Variants in SND1 observed in about 807,000 individuals in gnomAD.
SND1 encodes staphylococcal nuclease domain-containing protein 1.
A neutral mutation model predicts 121.7 loss-of-function variants in SND1; 38 were observed. That is an observed-to-expected ratio of 0.31 (90% confidence interval 0.24 to 0.41). The LOEUF (loss-of-function observed/expected upper bound fraction) is 0.41. Ranked by LOEUF, SND1 falls within the 10% of genes least tolerant of loss-of-function variation. The pLI, the probability that SND1 is intolerant of heterozygous loss-of-function variation, is 1.00. For synonymous variants in SND1, 401 were observed against 447.4 expected, an observed-to-expected ratio of 0.90 and a Z score of 1.31; for missense variants, 868 against 1,184.6, an observed-to-expected ratio of 0.73 and a Z score of 3.92.
At chr7:127,715,163 TG>T (rs1184913105) in intron 9 of SND1, among the ~76,000 whole-genome samples, 4 of 18,124 alleles carry the variant, frequency 2.2e-4, no homozygotes, top group Non-Finnish European at 8.5e-4. Flanking sequence ...TTTTTGGTTT[TG>T]TTTTTTTTTT....
Position 127,705,364 on chromosome 7 carries a change from C to G in SND1, c.947+419C>G, listed in dbSNP as rs145719703. ...AAAGACAGAGCCTGTAGGTTTTAAA[C>G]CAGGACCATTCAATATTGTTGTGAG... On this transcript the variant is annotated intron_variant, in intron 8 of 23. Transcript: ENST00000354725. Among the ~76,000 whole-genome samples, 89 of 152,292 alleles carry G rather than the reference C, an allele frequency of 5.8e-4. 1 individual carries two copies. The highest frequency in any genetic ancestry group is 1.9e-3 in the African/African-American group (78 of 41,564).
At chr7:127,930,194 C>T (rs570936440) in intron 15 of SND1, among the ~76,000 whole-genome samples, 59 of 152,128 alleles carry the variant, frequency 3.9e-4, no homozygotes, top group Non-Finnish European at 5.3e-4. Context: ...AGACATATCC[C>T]GCCGTGGTCC....
chr7:127,744,632 G>GT (rs1447648317), intron 10 of SND1, among the ~76,000 whole-genome samples: 1 of 152,156 alleles, frequency 6.6e-6, no homozygotes. Context: ...AATCACCTAT[G>GT]TATGATCATA....
chr7:128,082,575 G>A (rs1793623760), intron 18 of SND1, among the ~76,000 whole-genome samples: 1 of 152,222 alleles, frequency 6.6e-6, no homozygotes, highest in South Asian at 2.1e-4. Flanking sequence ...GAGCCCACGA[G>A]CCTGCGGGAT....
intron 15 of SND1, among the ~76,000 whole-genome samples, chr7:127,982,444 C>T (rs1802287050): frequency 6.6e-6 from 1 of 152,182 alleles, no homozygotes; most frequent in South Asian, 2.1e-4. Context: ...AATTAGGATC[C>T]CTTCATTCTT....
chr7:127,969,492 G>A (rs968182866), intron 15 of SND1, among the ~76,000 whole-genome samples: 6 of 152,160 alleles, frequency 3.9e-5, no homozygotes, highest in African/African-American at 1.2e-4. Context: ...TTGGGAGGCC[G>A]AGGCGGGCAG....
chr7:128,011,119 C>A (rs1484288457), intron 16 of SND1, among the ~76,000 whole-genome samples: 1 of 151,978 alleles, frequency 6.6e-6, no homozygotes, highest in African/African-American at 2.4e-5. Context: ...CCCCCAAACA[C>A]ACACACCACA....
intron 12 of SND1, among the ~76,000 whole-genome samples, chr7:127,869,315 G>A (rs958361085): frequency 6.6e-6 from 1 of 152,166 alleles, no homozygotes; most frequent in African/African-American, 2.4e-5. Context: ...GGGAGATGGG[G>A]TTAGCGAAGG....
chr7:127,994,549 C>CAAAAAAAAAA lies in SND1; in HGVS notation c.1779+3520_1779+3529dup, dbSNP rs563548702. On this transcript the variant is annotated intron_variant, in intron 16 of 23. Coordinates refer to ENST00000354725, the MANE Select transcript of SND1 (RefSeq NM_014390.4). ...CTCTCAAATGACGATCACTTTTACTCAAAAAAAAAAAAAAAAAAAAAAAAA... is the reference window on the plus strand; with the variant it reads ...CTCTCAAATGACGATCACTTTTACTCAAAAAAAAAAAAAAAAAAAAAAAAAAAAAAAAAAA... Among the ~76,000 whole-genome samples the CAAAAAAAAAA allele has an allele frequency of 2.6e-4, 12 of 46,238 alleles. 3 individuals are homozygous for CAAAAAAAAAA. Among genetic ancestry groups the CAAAAAAAAAA allele is most frequent in the Non-Finnish European group, 4.1e-4 (11 of 26,586 alleles). The allele number at this position is 46,238 out of a possible 152,430, so 30.3% of individuals were successfully genotyped here. A position where few individuals can be genotyped will look rare whatever the true frequency, so the allele number is the denominator to read the frequency against.
At position 128,015,837 on chromosome 7, in the gene SND1, CAT is replaced by C. The variant is rs1386919073; in HGVS notation, c.1779+24783_1779+24784del. ...CCTAGCAGGCTCTGCCGGAGCCAGA[CAT>C]AGCCATCCACTCTGGCAGCAGCCTA... On this transcript the variant is annotated intron_variant, in intron 16 of 23. Coordinates refer to ENST00000354725, the MANE Select transcript of SND1 (RefSeq NM_014390.4). This position sits in a 1 kb window ranked among gnomAD's most constrained non-coding sequence, Gnocchi z 4.5. 6.6e-6 allele frequency among the ~76,000 whole-genome samples: 1 copy of C among 152,314 alleles called. No individual in the cohort carries two copies. Among genetic ancestry groups the C allele is most frequent in the East Asian group, 1.9e-4 (1 of 5,180 alleles).
At chr7:127,785,201 G>T (rs376107706) in intron 10 of SND1, among the ~76,000 whole-genome samples, 5 of 152,154 alleles carry the variant, frequency 3.3e-5, no homozygotes, top group African/African-American at 1.2e-4. Flanking sequence ...AAGCCACCAT[G>T]CCCGGCCAGG....
intron 16 of SND1, among the ~76,000 whole-genome samples, chr7:128,021,207 A>C (rs989369104): frequency 3.9e-5 from 6 of 152,232 alleles, no homozygotes; most frequent in African/African-American, 1.4e-4. Flanking sequence ...TTAAGTCCAG[A>C]AATTAAGTCT....
chr7:127,911,460 T>C (rs1430610457), intron 14 of SND1, among the ~76,000 whole-genome samples: 1 of 152,170 alleles, frequency 6.6e-6, no homozygotes, highest in African/African-American at 2.4e-5. Flanking sequence ...TCCTCCCACC[T>C]CAGCCTTCCA....
intron 16 of SND1, among the ~76,000 whole-genome samples, chr7:127,994,571 A>C (rs957236944): frequency 5.4e-5 from 8 of 146,942 alleles, no homozygotes; most frequent in Admixed American, 1.4e-4. Context: ...AAAAAAAAAA[A>C]AAAAAAAAAA....
intron 1 of SND1, among the ~76,000 whole-genome samples, chr7:127,677,057 A>G (rs1285606072): frequency 6.6e-6 from 1 of 152,164 alleles, no homozygotes; most frequent in African/African-American, 2.4e-5. Context: ...GTTTTCTTCT[A>G]TATCCCTAGA....
chr7:127,897,888 G>A (rs892473672), intron 13 of SND1, among the ~76,000 whole-genome samples: 5 of 151,834 alleles, frequency 3.3e-5, no homozygotes, highest in African/African-American at 1.2e-4. Flanking sequence ...ATTTTTTTCT[G>A]ATGAACTTTG....
At chr7:127,766,624 A>G (rs557088215) in intron 10 of SND1, among the ~76,000 whole-genome samples, 1 of 151,780 alleles carries the variant, frequency 6.6e-6, no homozygotes, top group Non-Finnish European at 1.5e-5. Context: ...AAATACAAAA[A>G]ATTAGCCGGG....
intron 22 of SND1, among the ~76,000 whole-genome samples, chr7:128,090,044 C>G (rs1252394645): frequency 6.6e-6 from 1 of 152,064 alleles, no homozygotes; most frequent in Non-Finnish European, 1.5e-5. Flanking sequence ...AGACAGCTTC[C>G]AAGTCAATAA....
chr7:127,675,689 A>T (rs1043287918), intron 1 of SND1, among the ~76,000 whole-genome samples: 1 of 152,110 alleles, frequency 6.6e-6, no homozygotes, highest in African/African-American at 2.4e-5. Context: ...CTATATAGTG[A>T]TACTCTTTTT....
Sources: allele counts gnomAD v4.1 joint callset (sites outside exome capture counted in the v4.1 genomes callset), GRCh38; gene constraint gnomAD v4.1.1; non-coding constraint Gnocchi (gnomAD v3.1); transcripts MANE v1.5; gene names NCBI Gene and HGNC (gene_info 2026-07-23, HGNC 2026-07-21).